AP5Z1: variants seen among roughly 807,000 people sequenced by gnomAD.
AP5Z1 encodes the protein AP-5 complex subunit zeta-1.
A neutral mutation model predicts 83.0 loss-of-function variants in AP5Z1; 106 were observed. The ratio of observed to expected loss-of-function variants is 1.28; its 90% CI spans 1.09 to 1.50. The LOEUF is 1.50. AP5Z1 is among the 40% of genes most tolerant of loss of function. The pLI is 0.00. For missense variants in AP5Z1, 1,565 were observed against 1,094.2 expected, an observed-to-expected ratio of 1.43 and a Z score of -6.07; for synonymous variants, 751 against 514.1, an observed-to-expected ratio of 1.46 and a Z score of -6.23.
rs1434452099 is a variant in AP5Z1 at position 4,787,485 on chromosome 7, C to G, written c.1312-149C>G. The stretch of plus-strand genomic sequence containing the variant: ...TGGGCGACAGAGCAAGACCCTGTCT[C>G]AAAAAAATAAAAAGCGGGAGGAGGC... On this transcript the variant is annotated intron_variant, in intron 10 of 16. Coordinates refer to ENST00000649063, the MANE Select transcript of AP5Z1 (RefSeq NM_014855.3). 5 of 1,233,892 alleles carry G rather than the reference C, an allele frequency of 4.1e-6. No homozygotes were observed. The African/African-American group carries it at 6.1e-5, about 15-fold the overall frequency. The allele number at this position is 1,233,892 out of a possible 1,614,324, so 76.4% of individuals were successfully genotyped here. A position where few individuals can be genotyped will look rare whatever the true frequency, so the allele number is the denominator to read the frequency against.
Position 4,787,615 on chromosome 7 carries a change from C to T in AP5Z1, c.1312-19C>T, listed in dbSNP as rs186277796. On this transcript the variant is annotated intron_variant, in intron 10 of 16. Coordinates refer to ENST00000649063, the MANE Select transcript of AP5Z1 (RefSeq NM_014855.3). The stretch of plus-strand genomic sequence containing the variant: ...CCACAGCTCCGAGCCGTGTCCGAAC[C>T]GCTGTGCTGTGCCCACAGTTCCTGG... The T allele has an allele frequency of 2.9e-4, 454 of 1,547,272 alleles. No homozygotes were observed. The highest frequency in any genetic ancestry group is 2.1e-3 in the African/African-American group (152 of 73,170).
At chr7:4,782,093 T>C (rs1163976527) in intron 3 of AP5Z1, among the ~76,000 whole-genome samples, 1 of 152,112 alleles carries the variant, frequency 6.6e-6, no homozygotes, top group African/African-American at 2.4e-5. Flanking sequence ...CACTCTGCTG[T>C]CCAGTGTAGA....
chr7:4,786,523 T>C (rs1029795543), intron 10 of AP5Z1, 95 bp downstream of exon 10: 9 of 1,428,160 alleles, frequency 6.3e-6, no homozygotes, highest in Non-Finnish European at 2.9e-6. Flanking sequence ...GAGTCCTGGC[T>C]GAGCATAGAG....
chr7:4,786,358 G>A lies in AP5Z1; in HGVS notation c.1241G>A (p.Cys414Tyr), dbSNP rs770472828. ...PMLAFEFIQF[C>Y]RDNLHLFSGH... ...CTGGCCTTTGAATTCATCCAGTTCT[G>A]CAGGGACAACCTCCACCTGTTCAGC... is the stretch of plus-strand genomic sequence containing the variant. The change falls in exon 10 of 17, where the codon TGC becomes TAC. Residue 414 changes from cysteine (C) to tyrosine (Y), a missense_variant. Coordinates refer to ENST00000649063, the MANE Select transcript of AP5Z1 (RefSeq NM_014855.3). The A allele has an allele frequency of 6.8e-6, 11 of 1,613,932 alleles. No homozygotes were observed. The South Asian group carries it at 8.8e-5, about 13-fold the overall frequency.
In AP5Z1 at chr7:4,784,770, T is replaced by G. The variant is rs1033604293; in HGVS notation, c.791-138T>G. On this transcript the variant is annotated intron_variant, in intron 6 of 16. Transcript: ENST00000649063. ...GGGGAAGCTGCCGGGTGGGTGGACG[T>G]CCTGAGACGGTGACGCCTCACGCCT... 15 of 1,219,056 alleles carry G rather than the reference T, an allele frequency of 1.2e-5. No individual in the cohort carries two copies. The African/African-American group carries it at 2.0e-4, about 16-fold the overall frequency. The allele number at this position is 1,219,056 out of a possible 1,614,324, so 75.5% of individuals were successfully genotyped here.
Position 4,790,146 on chromosome 7 carries a change from C to T in AP5Z1, c.1805+217C>T, listed in dbSNP as rs974212530. The T allele has an allele frequency of 1.8e-5, 27 of 1,487,906 alleles. No individual in the cohort carries two copies. The East Asian group carries it at 4.0e-4, about 22-fold the overall frequency. 92.2% of individuals were successfully genotyped at this position (1,487,906 alleles called of 1,614,324 possible). On this transcript the variant is annotated intron_variant, in intron 14 of 16. Transcript: ENST00000649063. ...ATTCCCGTCCTTCTTTCTGCCGAGC[C>T]TGTCCTCTTCAGGGTTAGCTCAGGT... is the stretch of plus-strand genomic sequence containing the variant.
At position 4,792,946 on chromosome 7, in the gene AP5Z1, C is replaced by T. The variant is rs1029144417; in HGVS notation, c.*1561C>T. 1 of 160,472 alleles carries T rather than the reference C, an allele frequency of 6.2e-6. No individual in the cohort carries two copies. Among genetic ancestry groups the T allele is most frequent in the Non-Finnish European group, 1.4e-5 (1 of 72,988 alleles). The allele number at this position is 160,472 out of a possible 1,614,324, so 9.9% of individuals were successfully genotyped here. A position where few individuals can be genotyped will look rare whatever the true frequency, so the allele number is the denominator to read the frequency against. On this transcript the variant is annotated 3_prime_UTR_variant, in exon 17 of 17. Coordinates refer to ENST00000649063, the MANE Select transcript of AP5Z1 (RefSeq NM_014855.3). ...GCTCGGAATGAGTCTCCCACTGAGT[C>T]CGCAGCTCCCCTCCTGCCCTGGGGC...
At position 4,788,186 on chromosome 7, in the gene AP5Z1, G is replaced by C; in HGVS notation, c.1487G>C (p.Trp496Ser). 6.4e-7 allele frequency: 1 copy of C among 1,558,996 alleles called. No individual in the cohort carries two copies. The change falls in exon 12 of 17, where the codon TGG becomes TCG. Residue 496 changes from tryptophan (W) to serine (S), a missense_variant. By Grantham distance (177) the Trp-to-Ser change is radical. Transcript: ENST00000649063. ...SAPAASERPL[W>S]DTSLRAPSCL... ...CCGGCTGCATCCGAGAGGCCACTCTGGGACACCTCTCTCAGGGCCCCCAGC... is the reference window on the plus strand; with the variant it reads ...CCGGCTGCATCCGAGAGGCCACTCTCGGACACCTCTCTCAGGGCCCCCAGC...
intron 9 of AP5Z1, 46 bp from the exon 10 acceptor site, chr7:4,786,204 C>T (rs777007736): frequency 7.2e-6 from 11 of 1,529,692 alleles, no homozygotes; most frequent in African/African-American, 1.4e-5. Context: ...GAAGCACGGC[C>T]AGGGCGAGGT....
chr7:4,788,087 CCT>C, intron 11 of AP5Z1, 65 bp from the exon 12 acceptor site: 2 of 1,457,456 alleles, frequency 1.4e-6, no homozygotes, highest in Middle Eastern at 2.5e-4. Flanking sequence ...CGTGTGTCTC[CCT>C]GACGGGGGTG....
Position 4,790,516 on chromosome 7 carries a change from G to A in AP5Z1, c.1863G>A (p.Glu621=), listed in dbSNP as rs780422345. ...CGCTGAAACCCTCCCTGGTGGTGGA[G>A]CTGGCAAGAGACCTGCTGGAGTTCC... ...LCTLKPSLVV[E]LARDLLEFLG... Residue 621 remains glutamate, a synonymous_variant, in exon 15 of 17, where the codon GAG becomes GAA. Coordinates refer to ENST00000649063, the MANE Select transcript of AP5Z1 (RefSeq NM_014855.3). The A allele has an allele frequency of 2.1e-5, 34 of 1,613,086 alleles. No homozygotes were observed. The highest frequency in any genetic ancestry group is 6.6e-5 in the South Asian group (6 of 91,092).
Position 4,789,980 on chromosome 7 carries a change from C to G in AP5Z1, c.1805+51C>G, listed in dbSNP as rs946939215. The G allele has an allele frequency of 3.7e-6, 5 of 1,352,428 alleles. No individual in the cohort carries two copies. In the African/African-American group the frequency reaches 7.4e-5, roughly 20 times the overall value. The allele number at this position is 1,352,428 out of a possible 1,614,324, so 83.8% of individuals were successfully genotyped here. On this transcript the variant is annotated intron_variant, in intron 14 of 16. Transcript: ENST00000649063. ...CAGCCCTGGGCGGGTGCCTCCTGGACTCCTCCCCCTCTCCCCTCCCCCCTC... is the reference window on the plus strand; with the variant it reads ...CAGCCCTGGGCGGGTGCCTCCTGGAGTCCTCCCCCTCTCCCCTCCCCCCTC...
rs531373111 is a variant in AP5Z1, at chr7:4,788,781, CGGCCTGCAGTCACCAG to C, written c.1596-57_1596-42del. ...AGAGGGAGCAGTGGCGACGTGGCCC[CGGCCTGCAGTCACCAG>C]GTCGGGGAGCGGGCAGCACTCACGG... On this transcript the variant is annotated intron_variant, in intron 12 of 16. Coordinates refer to ENST00000649063, the MANE Select transcript of AP5Z1 (RefSeq NM_014855.3). The C allele has an allele frequency of 1.4e-4, 205 of 1,434,142 alleles. 2 individuals carry two copies. In the South Asian group the frequency reaches 2.7e-3, roughly 19 times the overall value. The allele number at this position is 1,434,142 out of a possible 1,614,324, so 88.8% of individuals were successfully genotyped here. A position where few individuals can be genotyped will look rare whatever the true frequency, so the allele number is the denominator to read the frequency against.
At chr7:4,777,497 C>T (rs1275946628) in intron 1 of AP5Z1, among the ~76,000 whole-genome samples, 4 of 152,138 alleles carry the variant, frequency 2.6e-5, no homozygotes, top group African/African-American at 7.2e-5. Flanking sequence ...AAGCAATTCT[C>T]CTGCCTCAGC....
chr7:4,777,410 C>CG lies in AP5Z1; in HGVS notation c.41+1654_41+1655insG, dbSNP rs1239867762. Reference sequence around the variant, plus strand: ...ATTTTTATTAGAGTCTCTTTTGAGACAGAGTCTCCCTCTGTCGCCCAGGCT... The same window carrying CG: ...ATTTTTATTAGAGTCTCTTTTGAGACGAGAGTCTCCCTCTGTCGCCCAGGCT... On this transcript the variant is annotated intron_variant, in intron 1 of 16. Transcript: ENST00000649063. Among the ~76,000 whole-genome samples, 107 of 151,584 alleles carry CG rather than the reference C, an allele frequency of 7.1e-4. 1 individual carries two copies. The highest frequency in any genetic ancestry group is 3.6e-3 in the Admixed American group (55 of 15,232).
chr7:4,781,440 A>G, intron 2 of AP5Z1, 128 bp downstream of exon 2: 1 of 1,541,322 alleles, frequency 6.5e-7, no homozygotes, highest in East Asian at 2.3e-5. Context: ...CCAGTGCTGA[A>G]GGTCCATCCT....
chr7:4,784,820 T>C (rs1781488169), intron 6 of AP5Z1, 88 bp from the exon 7 acceptor site: 1 of 1,486,992 alleles, frequency 6.7e-7, no homozygotes. Flanking sequence ...CGGCCTGTGC[T>C]CTCCTCCTGC....
rs148117172 is a variant in AP5Z1, at chr7:4,786,231, G to A, written c.1133-19G>A. On this transcript the variant is annotated intron_variant, in intron 9 of 16. Coordinates refer to ENST00000649063, the MANE Select transcript of AP5Z1 (RefSeq NM_014855.3). ...GGGCGAGGTCAAGACGTGTGCCCTG[G>A]CGGGCCCTGGTCTTGCAGGGGAAGC... is the stretch of plus-strand genomic sequence containing the variant. The A allele has an allele frequency of 1.3e-6, 2 of 1,583,684 alleles. No homozygotes were observed. The highest frequency in any genetic ancestry group is 1.2e-5 in the South Asian group (1 of 86,030).
chr7:4,790,246 T>C (rs1489811703), intron 14 of AP5Z1: 5 of 1,547,042 alleles, frequency 3.2e-6, no homozygotes, highest in South Asian at 2.4e-5. Context: ...CTGGTTCCAC[T>C]CTGAGCCTGG....
Sources: allele counts gnomAD v4.1 joint callset (sites outside exome capture counted in the v4.1 genomes callset), GRCh38; gene constraint gnomAD v4.1.1; transcripts MANE v1.5; gene names NCBI Gene and HGNC (gene_info 2026-07-23, HGNC 2026-07-21).